The following SLC25A16 variants were observed in gnomAD, a reference collection of about 807,000 sequenced individuals.
SLC25A16 encodes the protein solute carrier family 25 member 16, also known as mitochondrial coenzyme A transporter SLC25A16.
Under a neutral mutation model 41.5 loss-of-function variants are expected in SLC25A16, and 39 were observed. The ratio of observed to expected loss-of-function variants is 0.94; its 90% CI spans 0.73 to 1.23. SLC25A16 has a LOEUF of 1.23. Among genes scored for constraint, SLC25A16 ranks in the 50% most tolerant of loss-of-function variants. The pLI is 0.00. For synonymous variants in SLC25A16, 146 were observed against 147.8 expected (o/e 0.99, Z 0.09); for missense variants, 421 against 426.9 (o/e 0.99, Z 0.12).
At position 68,488,553 on chromosome 10, in the gene SLC25A16, T is replaced by C. The variant is rs140739262; in HGVS notation, c.687A>G (p.Ser229=). The change falls in exon 7 of 9, where the codon TCA becomes TCG. Residue 229 remains serine (S), a synonymous_variant. Transcript: ENST00000609923. ...AAACTAAGACATTAGGATTGTCTGATGAAGGTCTGCCAAGAAGGGTAGGAG... is the reference window on the plus strand; with the variant it reads ...AAACTAAGACATTAGGATTGTCTGACGAAGGTCTGCCAAGAAGGGTAGGAG... ...SHAPTLLGRP[S]SDNPNVLVLK... The C allele has an allele frequency of 3.6e-5, 58 of 1,603,006 alleles. 1 individual carries two copies. The Admixed American group carries it at 1.0e-3, about 28-fold the overall frequency.
chr10:68,516,765 T>C lies in SLC25A16; in HGVS notation c.209A>G (p.His70Arg). 6.2e-7 allele frequency: 1 copy of C among 1,605,366 alleles called. No homozygotes were observed. The highest frequency in any genetic ancestry group is 1.1e-5 in the South Asian group (1 of 90,506). The change falls in exon 2 of 9, where the codon CAT becomes CGT. Residue 70 changes from histidine to arginine, a missense_variant. Coordinates refer to ENST00000609923, the MANE Select transcript of SLC25A16 (RefSeq NM_152707.4). Reference protein sequence around the residue: ...VKVLLQAHNHHYKHLGVFSAL... With the variant: ...VKVLLQAHNHRYKHLGVFSAL... ...TATTAACTCACCTAAATGCTTGTAA[T>C]GGTGATTGTGAGCTTGTAATAAAAC...
At chr10:68,507,184 T>C (rs2052972216) in intron 2 of SLC25A16, among the ~76,000 whole-genome samples, 1 of 150,618 alleles carries the variant, frequency 6.6e-6, no homozygotes, top group African/African-American at 2.4e-5. Context: ...ATGATTCTCC[T>C]GCCCCAGCCT....
intron 4 of SLC25A16, among the ~76,000 whole-genome samples, chr10:68,493,884 A>G (rs796851671): frequency 3.3e-5 from 5 of 152,268 alleles, no homozygotes; most frequent in African/African-American, 1.2e-4. Context: ...ATGTATTCCC[A>G]GTTAAGATAT....
At chr10:68,495,197 G>A (rs906096480) in intron 4 of SLC25A16, among the ~76,000 whole-genome samples, 1 of 151,942 alleles carries the variant, frequency 6.6e-6, no homozygotes, top group African/African-American at 2.4e-5. Context: ...GATCACTTGA[G>A]GTCAGAAGTT....
At chr10:68,526,969 T>G (rs2053347498) in intron 1 of SLC25A16, among the ~76,000 whole-genome samples, 1 of 152,174 alleles carries the variant, frequency 6.6e-6, no homozygotes, top group South Asian at 2.1e-4. Flanking sequence ...GATCCTCCTC[T>G]TTTCCCTGTT....
chr10:68,483,690 C>G, intron 8 of SLC25A16, 102 bp from the exon 9 acceptor site: 2 of 945,722 alleles, frequency 2.1e-6, no homozygotes, highest in Non-Finnish European at 3.0e-6. Flanking sequence ...GACTCTTGCT[C>G]TGTCACCCAG....
intron 8 of SLC25A16, among the ~76,000 whole-genome samples, chr10:68,484,557 C>G (rs1237283439): frequency 6.6e-6 from 1 of 151,760 alleles, no homozygotes; most frequent in Non-Finnish European, 1.5e-5. Context: ...TCTTCAGTAG[C>G]TGAGACTACA....
At chr10:68,489,444 G>T (rs1374226237) in intron 6 of SLC25A16, among the ~76,000 whole-genome samples, 3 of 152,078 alleles carry the variant, frequency 2.0e-5, no homozygotes, top group Admixed American at 1.3e-4. Flanking sequence ...CGTAGAATCT[G>T]ATAAAAATAG....
intron 3 of SLC25A16, among the ~76,000 whole-genome samples, chr10:68,505,866 C>T (rs557790959): frequency 5.9e-5 from 9 of 152,130 alleles, no homozygotes; most frequent in South Asian, 2.1e-4. Context: ...AACCCCATCT[C>T]TACTAAAAAT....
chr10:68,527,134 C>G (rs79461326), intron 1 of SLC25A16, 112 bp downstream of exon 1: 2 of 1,150,186 alleles, frequency 1.7e-6, no homozygotes, highest in East Asian at 2.8e-5. Context: ...TCTAACAGAA[C>G]ATTGAAGCAG....
At position 68,488,461 on chromosome 10, in the gene SLC25A16, A is replaced by G. The variant is rs1217272107; in HGVS notation, c.773+6T>C. 2.0e-6 allele frequency: 3 copies of G among 1,488,414 alleles called. No individual in the cohort carries two copies. Among genetic ancestry groups the G allele is most frequent in the Non-Finnish European group, 1.8e-6 (2 of 1,121,634 alleles). 92.2% of individuals were successfully genotyped at this position (1,488,414 alleles called of 1,614,324 possible). A position where few individuals can be genotyped will look rare whatever the true frequency, so the allele number is the denominator to read the frequency against. Reference sequence around the variant, plus strand: ...TTGATTAAATTAAGTTAGTGAAGAAACTTACGATATTGTCTGCGCTATTGC... The same window carrying G: ...TTGATTAAATTAAGTTAGTGAAGAAGCTTACGATATTGTCTGCGCTATTGC... On this transcript the variant is annotated splice_donor_region_variant and intron_variant, in intron 7 of 8. Coordinates refer to ENST00000609923, the MANE Select transcript of SLC25A16 (RefSeq NM_152707.4).
At chr10:68,515,122 C>T (rs2053138548) in intron 2 of SLC25A16, among the ~76,000 whole-genome samples, 1 of 149,878 alleles carries the variant, frequency 6.7e-6, no homozygotes, top group African/African-American at 2.5e-5. Context: ...TTTGGGAGGC[C>T]GAGGCAGGCA....
chr10:68,483,531 G>C lies in SLC25A16; in HGVS notation c.900C>G (p.Leu300=). The change falls in exon 9 of 9, where the codon CTC becomes CTG. Residue 300 remains leucine, a synonymous_variant. Coordinates refer to ENST00000609923, the MANE Select transcript of SLC25A16 (RefSeq NM_152707.4). ...TGTAATTAAGAGATAAACCACGATAGAGTCCTTTTCGAATTCCATGGTGTC... is the reference window on the plus strand; with the variant it reads ...TGTAATTAAGAGATAAACCACGATACAGTCCTTTTCGAATTCCATGGTGTC... The part of the protein sequence containing the change: ...VYGHHGIRKG[L]YRGLSLNYIR... 1 of 1,611,666 alleles carries C rather than the reference G, an allele frequency of 6.2e-7. No individual in the cohort carries two copies. Among genetic ancestry groups the C allele is most frequent in the South Asian group, 1.1e-5 (1 of 90,702 alleles).
chr10:68,500,000 T>TC, intron 4 of SLC25A16: 1 of 398,484 alleles, frequency 2.5e-6, no homozygotes. Flanking sequence ...TGATAAAAAC[T>TC]CGAAATAAAA....
chr10:68,512,315 A>G, intron 2 of SLC25A16, among the ~76,000 whole-genome samples: 1 of 152,278 alleles, frequency 6.6e-6, no homozygotes, highest in African/African-American at 2.4e-5. Context: ...ATAAATACAT[A>G]AATTAGTCTA....
chr10:68,486,830 G>A (rs2133488656), intron 8 of SLC25A16, among the ~76,000 whole-genome samples: 1 of 151,660 alleles, frequency 6.6e-6, no homozygotes, highest in East Asian at 2.0e-4. Flanking sequence ...GGTGGTGGGT[G>A]TCTGTAATCC....
intron 6 of SLC25A16, among the ~76,000 whole-genome samples, chr10:68,491,249 A>G (rs1186314732): frequency 2.7e-5 from 4 of 150,700 alleles, no homozygotes; most frequent in Non-Finnish European, 4.4e-5. Context: ...TTTTTGAGAC[A>G]GAGTTTTGCT....
intron 4 of SLC25A16, chr10:68,503,223 T>C (rs1442074847): frequency 1.3e-5 from 2 of 153,802 alleles, no homozygotes; most frequent in African/African-American, 4.8e-5. Flanking sequence ...TCTTTGTTTT[T>C]TTCTCCACTC....
At chr10:68,488,714 T>A in intron 6 of SLC25A16, 85 bp from the exon 7 acceptor site, 11 of 1,089,778 alleles carry the variant, frequency 1.0e-5, no homozygotes, top group Non-Finnish European at 1.5e-5. Context: ...ATAAACACAT[T>A]TCCTAATTTC....
Sources: allele counts gnomAD v4.1 joint callset (sites outside exome capture counted in the v4.1 genomes callset), GRCh38; gene constraint gnomAD v4.1.1; transcripts MANE v1.5; gene names NCBI Gene and HGNC (gene_info 2026-07-23, HGNC 2026-07-21).